Variants in TANK observed in about 807,000 individuals in gnomAD.
TANK encodes TRAF family member-associated NF-kappa-B activator.
A neutral mutation model predicts 43.6 loss-of-function variants in TANK; 15 were observed. The ratio of observed to expected loss-of-function variants is 0.34; its 90% confidence interval spans 0.23 to 0.53. TANK has a LOEUF of 0.53. Ranked by LOEUF, TANK falls within the 20% of genes least tolerant of loss-of-function variation. TANK has a pLI of 0.94. For synonymous variants in TANK, 162 were observed against 178.2 expected (o/e 0.91, Z 0.73); for missense variants, 417 against 498.6 (o/e 0.84, Z 1.56).
intron 2 of TANK, among the ~76,000 whole-genome samples, chr2:161,194,198 T>C (rs555590484): frequency 1.3e-5 from 2 of 152,164 alleles, no homozygotes; most frequent in Non-Finnish European, 2.9e-5. Flanking sequence ...CGTAAATGAT[T>C]AGGTTATAGA....
chr2:161,193,985 A>G (rs1162455253), intron 2 of TANK, among the ~76,000 whole-genome samples: 1 of 152,192 alleles, frequency 6.6e-6, no homozygotes, highest in African/African-American at 2.4e-5. Flanking sequence ...CAAGTATCAC[A>G]AGACTCCATA....
rs1218555374 is a variant in TANK at position 161,193,452 on chromosome 2, A to G, written c.100-10035A>G. ...ACTTTTGTCTGTGCTTGGCACAAAG[A>G]TTCATGTGAGTAATCCCAGCGCTTT... On this transcript the variant is annotated intron_variant, in intron 2 of 7. Transcript: ENST00000392749. Among the ~76,000 whole-genome samples, 10 of 152,330 alleles carry G rather than the reference A, an allele frequency of 6.6e-5. No homozygotes were observed. In the East Asian group the frequency reaches 1.9e-3, roughly 29 times the overall value.
At chr2:161,225,298 G>T (rs1363907112) in intron 6 of TANK, among the ~76,000 whole-genome samples, 1 of 151,848 alleles carries the variant, frequency 6.6e-6, no homozygotes, top group African/African-American at 2.4e-5. Context: ...CTATTCACAG[G>T]CCTGATGGTG....
At chr2:161,217,329 T>TC (rs1687160901) in intron 4 of TANK, among the ~76,000 whole-genome samples, 1 of 152,132 alleles carries the variant, frequency 6.6e-6, no homozygotes, top group Non-Finnish European at 1.5e-5. Context: ...TCTCAAATTC[T>TC]CTAGGGCTCC....
At chr2:161,142,735 T>C (rs1313285596) in intron 1 of TANK, among the ~76,000 whole-genome samples, 1 of 152,206 alleles carries the variant, frequency 6.6e-6, no homozygotes, top group Non-Finnish European at 1.5e-5. Context: ...CCTTATAGTA[T>C]ATTTTGAAGT....
intron 2 of TANK, chr2:161,200,609 T>TA (rs1235026413): frequency 3.6e-5 from 33 of 905,322 alleles, no homozygotes; most frequent in South Asian, 1.0e-4. Flanking sequence ...CTTCCCTTTT[T>TA]AAAAAAAAGA....
intron 1 of TANK, chr2:161,163,668 C>T (rs930659318): frequency 6.6e-6 from 1 of 152,156 alleles, no homozygotes; most frequent in East Asian, 1.9e-4. Context: ...AAGGTAATAA[C>T]CAAGCTGACA....
intron 1 of TANK, chr2:161,140,064 AT>A (rs1558955037): frequency 2.5e-6 from 1 of 396,662 alleles, no homozygotes; most frequent in Non-Finnish European, 3.4e-6. Context: ...AAATTAGTCT[AT>A]ATTTTTATTT....
chr2:161,231,460 T>C lies in TANK; in HGVS notation c.1010T>C (p.Leu337Ser), dbSNP rs1344701475. ...ACLPPGDHNALYVNSFPLLDP... is the reference protein window; with the variant it reads ...ACLPPGDHNASYVNSFPLLDP... ...TTGCCACCTGGAGACCATAATGCAT[T>C]ATATGTAAATAGCTTCCCACTTCTG... The change falls in exon 7 of 8, where the codon TTA becomes TCA. Residue 337 changes from leucine to serine, a missense_variant. Transcript: ENST00000392749. 9 of 1,614,014 alleles carry C rather than the reference T, an allele frequency of 5.6e-6. No individual in the cohort carries two copies. Among genetic ancestry groups the C allele is most frequent in the African/African-American group, 1.3e-5 (1 of 74,926 alleles).
At chr2:161,183,536 A>C (rs1573998713) in intron 2 of TANK, among the ~76,000 whole-genome samples, 1 of 152,138 alleles carries the variant, frequency 6.6e-6, no homozygotes, top group Non-Finnish European at 1.5e-5. Context: ...TATTTTTTGC[A>C]CTAGCCATTG....
rs143527994 is a variant in TANK, at chr2:161,205,446, A to G, written c.327+653A>G. 7.7e-3 allele frequency among the ~76,000 whole-genome samples: 1,165 copies of G among 152,256 alleles called. 6 individuals carry two copies. Among genetic ancestry groups the G allele is most frequent in the South Asian group, 0.035 (169 of 4,830 alleles). On this transcript the variant is annotated intron_variant, in intron 4 of 7. Transcript: ENST00000392749. The stretch of plus-strand genomic sequence containing the variant: ...AGATTAAAATCAGGTAAATAATAAG[A>G]CACAGATTAGATAATAGCTTTCTAG...
chr2:161,234,854 G>A (rs1359220394), intron 7 of TANK, among the ~76,000 whole-genome samples: 3 of 152,162 alleles, frequency 2.0e-5, no homozygotes, highest in Non-Finnish European at 2.9e-5. Flanking sequence ...ATTCATGTAT[G>A]ATGTATTCAC....
chr2:161,177,292 T>C (rs948518014), intron 1 of TANK, among the ~76,000 whole-genome samples: 6 of 152,184 alleles, frequency 3.9e-5, no homozygotes, highest in Admixed American at 3.3e-4. Context: ...ATTGTTTTTA[T>C]TGAGCCTGGT....
Position 161,161,424 on chromosome 2 carries a change from G to A in TANK, c.-50+938G>A, listed in dbSNP as rs746337869. ...CACCCAAACGAGAGGTAGCAGAGAA[G>A]CAAGCAGTGCATTCTGTTAAAAATT... On this transcript the variant is annotated intron_variant, in intron 1 of 7. Transcript: ENST00000392749. 3.2e-6 allele frequency: 5 copies of A among 1,550,736 alleles called. No individual in the cohort carries two copies. In the South Asian group the frequency reaches 4.8e-5, roughly 15 times the overall value.
At chr2:161,160,424 A>G (rs1684359981), upstream of TANK, 9 of 1,240,752 alleles carry the variant, frequency 7.3e-6, no homozygotes, top group Non-Finnish European at 9.1e-6. Flanking sequence ...TTCCGGTTGG[A>G]GTCACTCGGC....
chr2:161,145,010 G>A (rs564819355), intron 1 of TANK, among the ~76,000 whole-genome samples: 1 of 151,918 alleles, frequency 6.6e-6, no homozygotes, highest in Non-Finnish European at 1.5e-5. Flanking sequence ...ATTTAGGATG[G>A]TTAGCTCTTC....
At chr2:161,161,099 C>T in intron 1 of TANK, 1 of 1,014,214 alleles carries the variant, frequency 9.9e-7, no homozygotes, top group Non-Finnish European at 1.4e-6. Flanking sequence ...GGAACCCAGG[C>T]GTTAGGTAGA....
chr2:161,142,715 G>T (rs1283503869), intron 1 of TANK, among the ~76,000 whole-genome samples: 2 of 152,090 alleles, frequency 1.3e-5, no homozygotes, highest in African/African-American at 4.8e-5. Context: ...TGCTCTTTTG[G>T]TTACTGTAGC....
At position 161,235,322 on chromosome 2, in the gene TANK, T is replaced by C; in HGVS notation, c.1102-20T>C. On this transcript the variant is annotated intron_variant, in intron 7 of 7. Coordinates refer to ENST00000392749, the MANE Select transcript of TANK (RefSeq NM_001199135.3). The stretch of plus-strand genomic sequence containing the variant: ...TGAATTTAAACATAAGTAACAGATA[T>C]TTTTGTTTGTTTCCTGCAGCCCATT... 1 of 1,575,206 alleles carries C rather than the reference T, an allele frequency of 6.3e-7. No homozygotes were observed. Among genetic ancestry groups the C allele is most frequent in the Admixed American group, 1.9e-5 (1 of 53,058 alleles).
Sources: gnomAD v4.1 joint callset for allele counts (sites outside exome capture counted in the v4.1 genomes callset) on GRCh38, gnomAD v4.1.1 for gene constraint, MANE v1.5 for transcripts, NCBI Gene and HGNC (gene_info 2026-07-23, HGNC 2026-07-21) for gene names.